GOPC: variants seen among roughly 807,000 people sequenced by gnomAD.
The protein encoded by GOPC is golgi associated PDZ and coiled-coil motif containing, also known as Golgi-associated PDZ and coiled-coil motif-containing protein.
GOPC carries 32 observed loss-of-function variants against 51.2 expected under a neutral mutation model. The ratio of observed to expected loss-of-function variants is 0.63; its 90% CI spans 0.47 to 0.84. The LOEUF is 0.84. Ranked by LOEUF, GOPC falls within the 40% of genes least tolerant of loss-of-function variation. The pLI is 0.00. For missense variants in GOPC, 441 were observed against 555.5 expected, an observed-to-expected ratio of 0.79 and a Z score of 2.07; for synonymous variants, 190 against 205.1, an observed-to-expected ratio of 0.93 and a Z score of 0.63.
At chr6:117,577,322 C>A in intron 3 of GOPC, 126 bp downstream of exon 3, 1 of 804,662 alleles carries the variant, frequency 1.2e-6, no homozygotes, top group Non-Finnish European at 2.0e-6. Context: ...GGTACTGGAA[C>A]ATTAAAAAAT....
rs1299861367 is a variant in GOPC at position 117,560,337 on chromosome 6, C to CCAT, written c.*2914_*2916dup. On this transcript the variant is annotated 3_prime_UTR_variant, in exon 9 of 9. Transcript: ENST00000368498. ...CAATATCATTTTAATGTAGAAGATG[C>CCAT]CATCTTTATTTACAGGCTAATAAAA... The CCAT allele has an allele frequency of 5.6e-6, 1 of 179,040 alleles. No individual in the cohort carries two copies. The highest frequency in any genetic ancestry group is 2.4e-5 in the African/African-American group (1 of 42,272). 11.1% of individuals were successfully genotyped at this position (179,040 alleles called of 1,614,324 possible). A position where few individuals can be genotyped will look rare whatever the true frequency, so the allele number is the denominator to read the frequency against.
intron 2 of GOPC, among the ~76,000 whole-genome samples, chr6:117,578,099 G>A (rs1779908513): frequency 6.6e-6 from 1 of 151,988 alleles, no homozygotes; most frequent in Non-Finnish European, 1.5e-5. Context: ...AAACATATGT[G>A]GTACACAGTG....
intron 1 of GOPC, among the ~76,000 whole-genome samples, chr6:117,583,746 T>C (rs1221555994): frequency 6.6e-6 from 1 of 152,194 alleles, no homozygotes; most frequent in Non-Finnish European, 1.5e-5. Flanking sequence ...GACTGTATTT[T>C]AAGGTATTAT....
In GOPC at chr6:117,571,030, T is replaced by C. The variant is rs1294617429; in HGVS notation, c.817-75A>G. On this transcript the variant is annotated intron_variant, in intron 5 of 8. Transcript: ENST00000368498. ...CCAAATAGAGTAAACTCATACTATA[T>C]AACTTGCTTTTAGAAATCTGTATTA... 3 of 628,768 alleles carry C rather than the reference T, an allele frequency of 4.8e-6. No homozygotes were observed. In the African/African-American group the frequency reaches 5.5e-5, roughly 12 times the overall value. 38.9% of individuals were successfully genotyped at this position (628,768 alleles called of 1,614,324 possible). A position where few individuals can be genotyped will look rare whatever the true frequency, so the allele number is the denominator to read the frequency against.
At chr6:117,586,512 G>A (rs985566832) in intron 1 of GOPC, among the ~76,000 whole-genome samples, 24 of 122,176 alleles carry the variant, frequency 2.0e-4, no homozygotes, top group African/African-American at 6.1e-4. Context: ...ATGGAGTCTC[G>A]CTGTGTCACC....
chr6:117,601,206 TTAA>T (rs1284517526), intron 1 of GOPC, among the ~76,000 whole-genome samples: 1 of 152,218 alleles, frequency 6.6e-6, no homozygotes, highest in African/African-American at 2.4e-5. Context: ...TCTAAATATT[TTAA>T]TAATGTCCTT....
intron 1 of GOPC, among the ~76,000 whole-genome samples, chr6:117,592,556 C>T (rs1274446750): frequency 6.6e-6 from 1 of 152,144 alleles, no homozygotes; most frequent in African/African-American, 2.4e-5. Context: ...ATACATCACT[C>T]CAATCTCTGC....
At chr6:117,587,168 T>C (rs1379998530) in intron 1 of GOPC, among the ~76,000 whole-genome samples, 4 of 152,204 alleles carry the variant, frequency 2.6e-5, no homozygotes, top group Admixed American at 6.5e-5. Flanking sequence ...GAAAGCTGTA[T>C]CTGTTCACTC....
At chr6:117,590,676 A>C (rs984866072) in intron 1 of GOPC, among the ~76,000 whole-genome samples, 1 of 151,540 alleles carries the variant, frequency 6.6e-6, no homozygotes, top group African/African-American at 2.4e-5. Context: ...ATTCAAAAAG[A>C]GGTAAGGGGA....
At chr6:117,563,619 G>A (rs1779633159) in intron 8 of GOPC, among the ~76,000 whole-genome samples, 1 of 152,024 alleles carries the variant, frequency 6.6e-6, no homozygotes, top group South Asian at 2.1e-4. Flanking sequence ...CTATTTGGGA[G>A]ACTGAGGAAG....
chr6:117,597,953 G>A (rs1780224937), intron 1 of GOPC, among the ~76,000 whole-genome samples: 1 of 151,088 alleles, frequency 6.6e-6, no homozygotes, highest in Non-Finnish European at 1.5e-5. Flanking sequence ...CCATAAAAAA[G>A]AATGAAATCC....
intron 1 of GOPC, among the ~76,000 whole-genome samples, chr6:117,600,030 TTC>T (rs1771970102): frequency 6.6e-6 from 1 of 152,202 alleles, no homozygotes; most frequent in African/African-American, 2.4e-5. Context: ...TTAGTCCACT[TTC>T]TGTTTCTTAT....
chr6:117,575,403 C>G lies in GOPC; in HGVS notation c.475-51G>C, dbSNP rs760799023. Reference sequence around the variant, plus strand: ...TTTAATGAAAATAAAAACTCTTTAGCACTAGACCATGTTCCTGAAAATGCA... The same window carrying G: ...TTTAATGAAAATAAAAACTCTTTAGGACTAGACCATGTTCCTGAAAATGCA... On this transcript the variant is annotated intron_variant, in intron 3 of 8. Transcript: ENST00000368498. 3.0e-6 allele frequency: 4 copies of G among 1,316,334 alleles called. No homozygotes were observed. In the East Asian group the frequency reaches 9.2e-5, roughly 30 times the overall value. The allele number at this position is 1,316,334 out of a possible 1,614,324, so 81.5% of individuals were successfully genotyped here.
intron 5 of GOPC, 85 bp downstream of exon 5, chr6:117,573,382 T>C: frequency 1.3e-5 from 19 of 1,430,518 alleles, no homozygotes; most frequent in Non-Finnish European, 1.7e-5. Context: ...CAAACAATAC[T>C]AGAATAAAGG....
intron 6 of GOPC, 192 bp from the exon 7 acceptor site, chr6:117,569,928 T>C: frequency 1.8e-6 from 1 of 542,168 alleles, no homozygotes; most frequent in Non-Finnish European, 2.8e-6. Context: ...AGAAATTGGC[T>C]AAATTCTTAA....
chr6:117,575,533 G>A (rs1470404700), intron 3 of GOPC, 181 bp from the exon 4 acceptor site: 2 of 760,674 alleles, frequency 2.6e-6, no homozygotes, highest in Non-Finnish European at 4.8e-6. Flanking sequence ...ACTACTTCTA[G>A]ATAAAATAAT....
intron 7 of GOPC, among the ~76,000 whole-genome samples, chr6:117,569,241 G>T (rs1779758720): frequency 6.6e-6 from 1 of 152,154 alleles, no homozygotes. Flanking sequence ...TAAGGATGTT[G>T]TTTTTTCAGT....
intron 1 of GOPC, among the ~76,000 whole-genome samples, chr6:117,586,330 A>C (rs993531592): frequency 1.3e-5 from 2 of 152,180 alleles, no homozygotes; most frequent in African/African-American, 4.8e-5. Context: ...AATTTAATAT[A>C]GTAAATTGAG....
chr6:117,569,883 C>T (rs1779773161), intron 6 of GOPC, 147 bp from the exon 7 acceptor site: 9 of 885,382 alleles, frequency 1.0e-5, no homozygotes, highest in South Asian at 8.9e-5. Context: ...TTATTTGCTA[C>T]TTAAGTAATG....
Sources: gnomAD v4.1 joint callset for allele counts (sites outside exome capture counted in the v4.1 genomes callset) on GRCh38, gnomAD v4.1.1 for gene constraint, MANE v1.5 for transcripts, NCBI Gene and HGNC (gene_info 2026-07-23, HGNC 2026-07-21) for gene names.